The following RABGAP1L variants were observed in gnomAD, a reference collection of about 807,000 sequenced individuals.
RABGAP1L encodes RAB GTPase activating protein 1 like, also known as rab GTPase-activating protein 1-like.
In RABGAP1L, 63 loss-of-function variants were observed where a neutral mutation model predicts 137.7. That is an observed-to-expected ratio of 0.46 (90% confidence interval 0.37 to 0.56). RABGAP1L has a LOEUF of 0.56. Among genes scored for constraint, RABGAP1L ranks in the 20% least tolerant of loss-of-function variants. The pLI is 0.00. For missense variants in RABGAP1L, 1,095 were observed against 1,244.0 expected (o/e 0.88, Z 1.80); for synonymous variants, 431 against 433.7 (o/e 0.99, Z 0.08).
chr1:174,600,673 T>C (rs1330127685), intron 13 of RABGAP1L, among the ~76,000 whole-genome samples: 1 of 152,202 alleles, frequency 6.6e-6, no homozygotes, highest in Non-Finnish European at 1.5e-5. Context: ...CAGGTCACAC[T>C]GATGCAAGAG....
intron 7 of RABGAP1L, among the ~76,000 whole-genome samples, chr1:174,266,427 T>C (rs1674077959): frequency 6.6e-6 from 1 of 152,182 alleles, no homozygotes; most frequent in South Asian, 2.1e-4. Context: ...AAATCTTGGC[T>C]AGAGTTCTTT....
intron 7 of RABGAP1L, among the ~76,000 whole-genome samples, chr1:174,253,751 C>A (rs907285460): frequency 6.6e-6 from 1 of 152,138 alleles, no homozygotes; most frequent in African/African-American, 2.4e-5. Context: ...ATCAGTACTT[C>A]AGTCAAACAA....
At chr1:174,867,383 A>G (rs1315406409) in intron 19 of RABGAP1L, among the ~76,000 whole-genome samples, 2 of 152,116 alleles carry the variant, frequency 1.3e-5, no homozygotes, top group East Asian at 3.8e-4. Context: ...GTTGGATGCA[A>G]TATAAGTTTT....
chr1:174,487,857 A>G (rs1659819960), intron 13 of RABGAP1L, among the ~76,000 whole-genome samples: 1 of 152,174 alleles, frequency 6.6e-6, no homozygotes, highest in South Asian at 2.1e-4. Flanking sequence ...ATTTTAAGCT[A>G]TAACAACTTC....
chr1:174,173,126 A>C (rs943700537), intron 1 of RABGAP1L, among the ~76,000 whole-genome samples: 9 of 151,964 alleles, frequency 5.9e-5, no homozygotes, highest in Non-Finnish European at 1.2e-4. Flanking sequence ...CTCCAAGTTA[A>C]AAAGATTTTT....
intron 19 of RABGAP1L, among the ~76,000 whole-genome samples, chr1:174,946,140 T>C (rs960542961): frequency 2.6e-5 from 4 of 152,124 alleles, no homozygotes; most frequent in African/African-American, 9.7e-5. Context: ...ATGTGGCAGA[T>C]ATCTTAGGTT....
intron 13 of RABGAP1L, among the ~76,000 whole-genome samples, chr1:174,454,311 C>T (rs1655792476): frequency 6.6e-6 from 1 of 152,018 alleles, no homozygotes; most frequent in South Asian, 2.1e-4. Flanking sequence ...TTTAACATTT[C>T]ACAAAACAGC....
intron 13 of RABGAP1L, among the ~76,000 whole-genome samples, chr1:174,538,711 A>T (rs1012596498): frequency 6.6e-6 from 1 of 152,210 alleles, no homozygotes; most frequent in African/African-American, 2.4e-5. Flanking sequence ...CAAATGGTCA[A>T]ATATATGAAA....
chr1:174,550,915 C>CATAT (rs773622989), intron 13 of RABGAP1L, among the ~76,000 whole-genome samples: 23,655 of 97,786 alleles, frequency 0.24, 3,698 homozygotes, highest in African/African-American at 0.31. Flanking sequence ...CATATACACA[C>CATAT]ACACACATAT....
chr1:174,321,591 C>A (rs1219217250), intron 11 of RABGAP1L, among the ~76,000 whole-genome samples: 3 of 152,052 alleles, frequency 2.0e-5, no homozygotes, highest in Admixed American at 2.0e-4. Context: ...GGGGTGGTTC[C>A]TCTGATAATG....
At chr1:174,467,639 A>G (rs1184732986) in intron 13 of RABGAP1L, among the ~76,000 whole-genome samples, 1 of 152,162 alleles carries the variant, frequency 6.6e-6, no homozygotes, top group Non-Finnish European at 1.5e-5. Context: ...AATATGTTTA[A>G]TCCTTTTAGC....
intron 19 of RABGAP1L, among the ~76,000 whole-genome samples, chr1:174,934,119 C>T (rs1664314768): frequency 6.6e-6 from 1 of 152,074 alleles, no homozygotes; most frequent in Non-Finnish European, 1.5e-5. Context: ...GATGGAGTCT[C>T]ACTCTGTTGC....
chr1:174,347,002 G>T (rs902552986), intron 11 of RABGAP1L, among the ~76,000 whole-genome samples: 8 of 152,080 alleles, frequency 5.3e-5, no homozygotes, highest in African/African-American at 1.4e-4. Context: ...GGAGGAAGTT[G>T]TCTAATTTCC....
chr1:174,925,631 G>C (rs1383392658), intron 19 of RABGAP1L, among the ~76,000 whole-genome samples: 2 of 151,984 alleles, frequency 1.3e-5, no homozygotes, highest in African/African-American at 2.4e-5. Flanking sequence ...ATGAATCATA[G>C]ATGATGAGGA....
At chr1:174,197,737 T>C (rs1238978513) in intron 1 of RABGAP1L, among the ~76,000 whole-genome samples, 1 of 151,702 alleles carries the variant, frequency 6.6e-6, no homozygotes, top group Non-Finnish European at 1.5e-5. Context: ...GAGGCGGAGG[T>C]TGCAGGGAGC....
At chr1:174,588,837 A>G (rs954541921) in intron 13 of RABGAP1L, among the ~76,000 whole-genome samples, 1 of 152,018 alleles carries the variant, frequency 6.6e-6, no homozygotes, top group Non-Finnish European at 1.5e-5. Flanking sequence ...CATTTTCTTT[A>G]TCCATTCATC....
chr1:174,744,379 T>A (rs1470707879), intron 17 of RABGAP1L, among the ~76,000 whole-genome samples: 1 of 152,222 alleles, frequency 6.6e-6, no homozygotes, highest in Non-Finnish European at 1.5e-5. Flanking sequence ...TATCTGTCAC[T>A]TTCACTACTT....
chr1:174,962,154 G>A (rs1214332189), intron 20 of RABGAP1L, among the ~76,000 whole-genome samples: 25 of 146,542 alleles, frequency 1.7e-4, no homozygotes, highest in Admixed American at 1.6e-3. Context: ...CAGCCTGGGC[G>A]ACAGAGTGAG....
chr1:174,800,312 C>G, intron 18 of RABGAP1L: 1 of 1,543,348 alleles, frequency 6.5e-7, no homozygotes, highest in Non-Finnish European at 8.7e-7. Flanking sequence ...CTTTCTCATT[C>G]TGGATACCTA....
Sources: allele counts gnomAD v4.1 joint callset (sites outside exome capture counted in the v4.1 genomes callset), GRCh38; gene constraint gnomAD v4.1.1; transcripts MANE v1.5; gene names NCBI Gene and HGNC (gene_info 2026-07-23, HGNC 2026-07-21).